The following SNRPF variants were observed in gnomAD, a reference collection of about 807,000 sequenced individuals.
The protein encoded by SNRPF is small nuclear ribonucleoprotein polypeptide F.
A neutral mutation model predicts 13.4 loss-of-function variants in SNRPF; 1 was observed. The ratio of observed to expected loss-of-function variants is 0.07; its 90% CI spans 0.03 to 0.35. SNRPF has a LOEUF of 0.35. Among genes scored for constraint, SNRPF ranks in the 10% least tolerant of loss-of-function variants. SNRPF has a pLI of 0.99. For missense variants in SNRPF, 53 were observed against 101.0 expected, an observed-to-expected ratio of 0.52 and a Z score of 2.04; for synonymous variants, 27 against 32.1, an observed-to-expected ratio of 0.84 and a Z score of 0.54.
rs1241855000 is a variant in SNRPF, at chr12:95,866,111, C to G, written c.*40C>G. 2 of 983,780 alleles carry G rather than the reference C, an allele frequency of 2.0e-6. No homozygotes were observed. The highest frequency in any genetic ancestry group is 3.1e-6 in the Non-Finnish European group (2 of 648,622). The allele number at this position is 983,780 out of a possible 1,614,324, so 60.9% of individuals were successfully genotyped here. A position where few individuals can be genotyped will look rare whatever the true frequency, so the allele number is the denominator to read the frequency against. On this transcript the variant is annotated 3_prime_UTR_variant, in exon 4 of 4. Coordinates refer to ENST00000266735, the MANE Select transcript of SNRPF (RefSeq NM_003095.5). ...GATTTTTTTTATATATATTTCTAGACAATAAAGATTTGTTTGTTTTTCAAC... is the reference window on the plus strand; with the variant it reads ...GATTTTTTTTATATATATTTCTAGAGAATAAAGATTTGTTTGTTTTTCAAC...
intron 1 of SNRPF, among the ~76,000 whole-genome samples, chr12:95,859,684 G>A (rs1242696899): frequency 1.3e-5 from 2 of 152,142 alleles, no homozygotes; most frequent in African/African-American, 4.8e-5. Flanking sequence ...AAGACCTGCG[G>A]CCGGAAAGAA....
intron 3 of SNRPF, 137 bp from the exon 4 acceptor site, chr12:95,865,868 G>C: frequency 2.6e-6 from 1 of 377,490 alleles, no homozygotes; most frequent in Non-Finnish European, 4.8e-6. Context: ...TTTTTAAAAT[G>C]AATATATTTA....
chr12:95,864,545 C>T (rs2079512225), intron 2 of SNRPF, among the ~76,000 whole-genome samples: 1 of 152,204 alleles, frequency 6.6e-6, no homozygotes, highest in South Asian at 2.1e-4. Flanking sequence ...CTGTAAAGGT[C>T]ACTGTTAACT....
At position 95,866,119 on chromosome 12, in the gene SNRPF, A is replaced by T. The variant is rs763780194; in HGVS notation, c.*48A>T. ...TTATATATATTTCTAGACAATAAAG[A>T]TTTGTTTGTTTTTCAACTTGACTTG... is the stretch of plus-strand genomic sequence containing the variant. On this transcript the variant is annotated 3_prime_UTR_variant, in exon 4 of 4. Transcript: ENST00000266735. The T allele has an allele frequency of 1.1e-6, 1 of 936,130 alleles. No individual in the cohort carries two copies. The highest frequency in any genetic ancestry group is 1.6e-5 in the South Asian group (1 of 62,168). The allele number at this position is 936,130 out of a possible 1,614,324, so 58.0% of individuals were successfully genotyped here.
chr12:95,863,341 ACCACTG>A (rs1161019488), intron 2 of SNRPF, among the ~76,000 whole-genome samples: 4 of 152,160 alleles, frequency 2.6e-5, no homozygotes, highest in African/African-American at 9.7e-5. Flanking sequence ...TATACTGAAA[ACCACTG>A]AATTGTACAC....
chr12:95,862,492 T>G (rs2079500723), intron 2 of SNRPF, among the ~76,000 whole-genome samples: 1 of 152,160 alleles, frequency 6.6e-6, no homozygotes, highest in Non-Finnish European at 1.5e-5. Context: ...GGCAGCAGAT[T>G]GCTTGAGCCC....
intron 1 of SNRPF, among the ~76,000 whole-genome samples, chr12:95,860,433 C>G (rs1202388511): frequency 6.6e-6 from 1 of 152,272 alleles, no homozygotes; most frequent in South Asian, 2.1e-4. Flanking sequence ...TTTCCTTTTT[C>G]CCCTGGATTG....
intron 3 of SNRPF, 132 bp downstream of exon 3, chr12:95,865,520 A>C: frequency 2.3e-6 from 1 of 437,804 alleles, no homozygotes; most frequent in African/African-American, 2.0e-5. Context: ...TTACAGTTAG[A>C]CTTCAGAAGT....
chr12:95,865,473 G>T, intron 3 of SNRPF, 85 bp downstream of exon 3: 1 of 610,080 alleles, frequency 1.6e-6, no homozygotes, highest in Non-Finnish European at 2.9e-6. Context: ...CTCAATTTTG[G>T]AATTACTTTT....
chr12:95,861,020 C>A, intron 1 of SNRPF, 148 bp from the exon 2 acceptor site: 1 of 621,218 alleles, frequency 1.6e-6, no homozygotes, highest in Non-Finnish European at 2.6e-6. Flanking sequence ...GTACTCTCAA[C>A]AAATAAAAGT....
At chr12:95,863,126 T>G (rs908552456) in intron 2 of SNRPF, among the ~76,000 whole-genome samples, 3 of 152,152 alleles carry the variant, frequency 2.0e-5, no homozygotes, top group Non-Finnish European at 4.4e-5. Flanking sequence ...AAAGGAGTAC[T>G]TAAGTAGGCA....
intron 1 of SNRPF, among the ~76,000 whole-genome samples, chr12:95,860,832 G>GA (rs2079492132): frequency 6.9e-6 from 1 of 145,282 alleles, no homozygotes; most frequent in African/African-American, 2.5e-5. Flanking sequence ...TTACAGATAC[G>GA]AGCCACCCTA....
At chr12:95,861,570 C>A in intron 2 of SNRPF, 1 of 238,372 alleles carries the variant, frequency 4.2e-6, no homozygotes, top group Admixed American at 5.9e-5. Context: ...AAACACACTA[C>A]TTTGCTGGAG....
At chr12:95,865,768 C>G (rs907271004) in intron 3 of SNRPF, among the ~76,000 whole-genome samples, 8 of 151,926 alleles carry the variant, frequency 5.3e-5, no homozygotes, top group African/African-American at 1.9e-4. Context: ...TAATTATTTC[C>G]TTTGGAAAAT....
intron 3 of SNRPF, 91 bp downstream of exon 3, chr12:95,865,479 C>CT (rs532629098): frequency 8.1e-4 from 481 of 594,254 alleles, no homozygotes; most frequent in African/African-American, 7.8e-3. Flanking sequence ...TTTGGAATTA[C>CT]TTTTTTTTAA....
chr12:95,863,735 C>T (rs2079507917), intron 2 of SNRPF, among the ~76,000 whole-genome samples: 1 of 152,148 alleles, frequency 6.6e-6, no homozygotes, highest in Non-Finnish European at 1.5e-5. Flanking sequence ...AGTAGCCTCT[C>T]TGAGGAGGCG....
chr12:95,865,308 T>G lies in SNRPF; in HGVS notation c.130-16T>G. On this transcript the variant is annotated splice_polypyrimidine_tract_variant and intron_variant, in intron 2 of 3. Coordinates refer to ENST00000266735, the MANE Select transcript of SNRPF (RefSeq NM_003095.5). ...CTCCTGTGTGATTATACTAATATAT[T>G]TCTTTTTATTGAAAGCTTGCAAATA... 1 of 1,334,168 alleles carries G rather than the reference T, an allele frequency of 7.5e-7. No individual in the cohort carries two copies. The highest frequency in any genetic ancestry group is 1.1e-6 in the Non-Finnish European group (1 of 927,708). 82.6% of individuals were successfully genotyped at this position (1,334,168 alleles called of 1,614,324 possible).
At chr12:95,859,188 C>CG (rs2079481474) in intron 1 of SNRPF, 112 bp downstream of exon 1, 1 of 949,370 alleles carries the variant, frequency 1.1e-6, no homozygotes, top group Admixed American at 2.0e-5. Flanking sequence ...CGTGAGGCGC[C>CG]GCGCACCCTG....
At chr12:95,864,579 G>A (rs1315662290) in intron 2 of SNRPF, among the ~76,000 whole-genome samples, 2 of 152,166 alleles carry the variant, frequency 1.3e-5, no homozygotes, top group Non-Finnish European at 2.9e-5. Flanking sequence ...TTAAGAACTT[G>A]TTTTTCCCTG....
Sources: gnomAD v4.1 joint callset for allele counts (sites outside exome capture counted in the v4.1 genomes callset) on GRCh38, gnomAD v4.1.1 for gene constraint, MANE v1.5 for transcripts, NCBI Gene and HGNC (gene_info 2026-07-23, HGNC 2026-07-21) for gene names.